The following AGBL1 variants were observed in gnomAD, a reference collection of about 807,000 sequenced individuals.
AGBL1 encodes the protein cytosolic carboxypeptidase 4.
A neutral mutation model predicts 118.9 loss-of-function variants in AGBL1; 130 were observed. That is an observed-to-expected ratio of 1.09 (90% CI 0.95 to 1.26). The LOEUF (loss-of-function observed/expected upper bound fraction) is 1.26, where lower values mean the gene tolerates loss of function less well. Ranked by LOEUF, AGBL1 falls within the 50% of genes most tolerant of loss-of-function variation. AGBL1 has a pLI of 0.00. For synonymous variants in AGBL1, 555 were observed against 478.9 expected (o/e 1.16, Z -2.08); for missense variants, 1,584 against 1,298.1 (o/e 1.22, Z -3.38).
chr15:86,143,658 A>G (rs2076993997), intron 2 of AGBL1, 41 bp from the exon 3 acceptor site: 1 of 1,605,116 alleles, frequency 6.2e-7, no homozygotes, highest in African/African-American at 1.3e-5. Flanking sequence ...GAAAATGGGG[A>G]TTATTACTTG....
chr15:86,264,938 G>A (rs774293013), intron 11 of AGBL1, 100 bp downstream of exon 11: 1 of 1,140,754 alleles, frequency 8.8e-7, no homozygotes, highest in Non-Finnish European at 1.2e-6. Flanking sequence ...ATAGGAAAGA[G>A]AGCATTAATC....
intron 17 of AGBL1, among the ~76,000 whole-genome samples, chr15:86,366,640 G>C (rs2080891514): frequency 6.6e-6 from 1 of 152,110 alleles, no homozygotes; most frequent in African/African-American, 2.4e-5. Flanking sequence ...TATTTGTTCA[G>C]TCTCTGAACT....
At chr15:86,409,384 C>T (rs140606235) in intron 18 of AGBL1, among the ~76,000 whole-genome samples, 1 of 152,110 alleles carries the variant, frequency 6.6e-6, no homozygotes, top group Non-Finnish European at 1.5e-5. Flanking sequence ...AAGTCATTTG[C>T]ATAGTGTTAA....
At chr15:86,199,913 A>G (rs1428612106) in intron 5 of AGBL1, among the ~76,000 whole-genome samples, 3 of 152,218 alleles carry the variant, frequency 2.0e-5, no homozygotes. Flanking sequence ...AATCCTATTA[A>G]TGGGGTTGTG....
intron 9 of AGBL1, 43 bp from the exon 10 acceptor site, chr15:86,262,735 G>C (rs1013480040): frequency 7.6e-7 from 1 of 1,322,192 alleles, no homozygotes; most frequent in South Asian, 1.2e-5. Context: ...TTCTCAGGGT[G>C]GATTTCCTGA....
downstream of AGBL1, chr15:87,029,072 C>T: frequency 2.1e-6 from 1 of 483,084 alleles, no homozygotes; most frequent in Non-Finnish European, 3.7e-6. Context: ...GTTCTCTGAA[C>T]CTAGAACAGG....
At chr15:86,290,811 G>A (rs575304679) in intron 16 of AGBL1, among the ~76,000 whole-genome samples, 12 of 151,902 alleles carry the variant, frequency 7.9e-5, no homozygotes, top group Admixed American at 3.3e-4. Flanking sequence ...TTTAGCATTA[G>A]GTATATCTCC....
intron 24 of AGBL1, among the ~76,000 whole-genome samples, chr15:87,015,858 A>AT (rs1328700029): frequency 2.0e-5 from 3 of 152,288 alleles, no homozygotes; most frequent in Admixed American, 2.0e-4. Context: ...TAAAGAGGTC[A>AT]TCTAATGCCT....
At chr15:86,094,440 T>A (rs943755420) in intron 1 of AGBL1, among the ~76,000 whole-genome samples, 1 of 152,162 alleles carries the variant, frequency 6.6e-6, no homozygotes, top group Non-Finnish European at 1.5e-5. Context: ...AATGATGTTT[T>A]GTAGCTTCCC....
intron 22 of AGBL1, among the ~76,000 whole-genome samples, chr15:86,790,564 T>C (rs540946512): frequency 4.0e-4 from 61 of 152,326 alleles, no homozygotes; most frequent in Middle Eastern, 6.8e-3. Context: ...TACTGAGATA[T>C]AGATGATGAC....
In AGBL1 at chr15:86,172,290, T is replaced by G. The variant is rs530550659; in HGVS notation, c.488+13264T>G. Among the ~76,000 whole-genome samples, 3 of 152,344 alleles carry G rather than the reference T, an allele frequency of 2.0e-5. No homozygotes were observed. In the East Asian group the frequency reaches 5.8e-4, roughly 29 times the overall value. On this transcript the variant is annotated intron_variant, in intron 5 of 22. Coordinates refer to ENST00000614907, the MANE Select transcript of AGBL1 (RefSeq NM_001386094.1). ...AGAGCACATGTGATATTTTGATACA[T>G]TCACACAATGTGTAATGATAAAATC...
At chr15:86,414,161 T>A (rs962743977) in intron 18 of AGBL1, among the ~76,000 whole-genome samples, 4 of 152,072 alleles carry the variant, frequency 2.6e-5, no homozygotes, top group Non-Finnish European at 5.9e-5. Context: ...TGAAAGACAC[T>A]GGAGACTCAA....
intron 22 of AGBL1, among the ~76,000 whole-genome samples, chr15:86,799,183 T>G (rs1364744547): frequency 6.6e-6 from 1 of 151,754 alleles, no homozygotes; most frequent in African/African-American, 2.4e-5. Flanking sequence ...TTATTTTATT[T>G]TATTATTATT....
intron 5 of AGBL1, among the ~76,000 whole-genome samples, chr15:86,193,538 T>C (rs2141834658): frequency 6.6e-6 from 1 of 152,286 alleles, no homozygotes; most frequent in African/African-American, 2.4e-5. Context: ...TCTTTGTAGC[T>C]TTGGCTTAAT....
In AGBL1 at chr15:86,522,934, C is replaced by A; in HGVS notation, c.2680C>A (p.Pro894Thr). ...LYHLSSIGRS[P>T]VVFCDFHGHS... ...CCACCTGAGCAGCATTGGCCGAAGT[C>A]CCGTGGTGAGTCACTTCCTTCTGCC... Residue 894 changes from proline (P) to threonine (T), a missense_variant, in exon 19 of 23, where the codon CCC becomes ACC. Coordinates refer to ENST00000614907, the MANE Select transcript of AGBL1 (RefSeq NM_001386094.1). 6.2e-7 allele frequency: 1 copy of A among 1,613,886 alleles called. No individual in the cohort carries two copies.
At chr15:86,601,794 T>G (rs2084497811) in intron 21 of AGBL1, among the ~76,000 whole-genome samples, 1 of 152,172 alleles carries the variant, frequency 6.6e-6, no homozygotes, top group Non-Finnish European at 1.5e-5. Flanking sequence ...TATTTTATTT[T>G]GAGGTGGTTT....
At chr15:86,499,953 C>T (rs747460166) in intron 18 of AGBL1, among the ~76,000 whole-genome samples, 17 of 151,766 alleles carry the variant, frequency 1.1e-4, no homozygotes, top group Non-Finnish European at 2.1e-4. Context: ...GGGAAGTCAC[C>T]TGTGAATACC....
At chr15:86,629,699 T>G (rs751965294) in intron 21 of AGBL1, among the ~76,000 whole-genome samples, 33 of 152,174 alleles carry the variant, frequency 2.2e-4, no homozygotes, top group Non-Finnish European at 4.3e-4. Context: ...GGCTCATTTC[T>G]GAATAAATCT....
At chr15:86,506,154 C>A (rs1220473973) in intron 18 of AGBL1, among the ~76,000 whole-genome samples, 1 of 152,036 alleles carries the variant, frequency 6.6e-6, no homozygotes, top group South Asian at 2.1e-4. Context: ...TACATCTCTT[C>A]TTTAATCTTC....
Sources: allele counts gnomAD v4.1 joint callset (sites outside exome capture counted in the v4.1 genomes callset), GRCh38; gene constraint gnomAD v4.1.1; transcripts MANE v1.5; gene names NCBI Gene and HGNC (gene_info 2026-07-23, HGNC 2026-07-21).